Variants in NOXA1 observed in about 807,000 individuals in gnomAD.
The protein encoded by NOXA1 is NADPH oxidase activator 1, also known as NCF2-like protein.
Under a neutral mutation model 64.8 loss-of-function variants are expected in NOXA1, and 56 were observed. The observed-to-expected ratio is 0.86, with a 90% CI of 0.70 to 1.08. The LOEUF (loss-of-function observed/expected upper bound fraction) is 1.08, where lower values mean the gene tolerates loss of function less well. NOXA1 is among the 50% of genes least tolerant of loss of function. NOXA1 has a pLI of 0.00. For missense variants in NOXA1, 668 were observed against 658.5 expected, an observed-to-expected ratio of 1.01 and a Z score of -0.16; for synonymous variants, 295 against 294.8, an observed-to-expected ratio of 1.00 and a Z score of -0.01.
In NOXA1 at chr9:137,431,147, G is replaced by A; in HGVS notation, c.698+47G>A. On this transcript the variant is annotated intron_variant, in intron 7 of 13. Transcript: ENST00000683555. The surrounding 1 kb of genome is among the most constrained non-coding windows in gnomAD (Gnocchi z 5.6). ...CTGCGAGCGCGTGCCTTTCCTGCTG[G>A]GCAGAGGCCCTCCACATGGGGCCAC... is the stretch of plus-strand genomic sequence containing the variant. 1 of 1,612,482 alleles carries A rather than the reference G, an allele frequency of 6.2e-7. No individual in the cohort carries two copies. The highest frequency in any genetic ancestry group is 8.5e-7 in the Non-Finnish European group (1 of 1,179,670).
chr9:137,433,154 C>T (rs1182816405), intron 9 of NOXA1, 51 bp from the exon 10 acceptor site: 1 of 1,608,470 alleles, frequency 6.2e-7, no homozygotes, highest in East Asian at 2.2e-5. Context: ...CCTCCACCCA[C>T]AGGGCCCACT....
At chr9:137,423,973 GACC>G (rs1371842655) in intron 1 of NOXA1, among the ~76,000 whole-genome samples, 1 of 152,196 alleles carries the variant, frequency 6.6e-6, no homozygotes, top group African/African-American at 2.4e-5. Context: ...AGGCCCGAGG[GACC>G]GCCCTGCCCT....
At position 137,429,363 on chromosome 9, in the gene NOXA1, G is replaced by A. The variant is rs746384016; in HGVS notation, c.592G>A (p.Asp198Asn). The change falls in exon 5 of 14, where the codon GAT becomes AAT. Residue 198 changes from aspartate to asparagine, a missense_variant. Physicochemically the swap from Asp to Asn is conservative, Grantham distance 23. Transcript: ENST00000683555. ...GCACCTGAAGCACTTGGAGCCCGTGGATTTCCTGGGCAAGGCCAAGGTAAA... is the reference window on the plus strand; with the variant it reads ...GCACCTGAAGCACTTGGAGCCCGTGAATTTCCTGGGCAAGGCCAAGGTAAA... ...RWHLKHLEPV[D>N]FLGKAKVVAS... is the part of the protein sequence containing the mutation. 6.3e-7 allele frequency: 1 copy of A among 1,581,284 alleles called. No individual in the cohort carries two copies. The highest frequency in any genetic ancestry group is 8.6e-7 in the Non-Finnish European group (1 of 1,164,614).
intron 2 of NOXA1, among the ~76,000 whole-genome samples, chr9:137,427,127 G>T (rs1838873097): frequency 6.6e-6 from 1 of 152,162 alleles, no homozygotes; most frequent in African/African-American, 2.4e-5. Flanking sequence ...ATTTATTTGA[G>T]AAACATAAAA....
chr9:137,423,950 G>T (rs1243144808), intron 1 of NOXA1, among the ~76,000 whole-genome samples: 1 of 152,182 alleles, frequency 6.6e-6, no homozygotes, highest in African/African-American at 2.4e-5. Flanking sequence ...GGGGGAAGCT[G>T]CTGGGCTGGG....
At position 137,433,529 on chromosome 9, in the gene NOXA1, G is replaced by C. The variant is rs756433242; in HGVS notation, c.986G>C (p.Arg329Pro). The change falls in exon 11 of 14, where the codon CGA becomes CCA. Residue 329 changes from arginine (R) to proline (P), a missense_variant. Arg to Pro is a moderately radical substitution (Grantham distance 103, BLOSUM62 -2). Coordinates refer to ENST00000683555, the MANE Select transcript of NOXA1 (RefSeq NM_001256067.2). ...QCAFTVALRA[R>P]RGADLSSLRA... ...GCCTTCACAGTGGCCCTGAGGGCAC[G>C]AAGAGGAGCCGACCTGTCCAGCCTG... 7 of 1,594,018 alleles carry C rather than the reference G, an allele frequency of 4.4e-6. No individual in the cohort carries two copies. The highest frequency in any genetic ancestry group is 1.3e-5 in the African/African-American group (1 of 74,744).
In NOXA1 at chr9:137,433,988, C is replaced by T. The variant is rs78368699; in HGVS notation, c.1203C>T (p.Leu401=). ...QCRGAGGRPV[L]YQVVAQHSYS... ...AGGGAGCCGGGGGTCGGCCGGTCCT[C>T]TACCAGGTGGTGGCCCAGCACAGCT... is the stretch of plus-strand genomic sequence containing the variant. Residue 401 remains leucine (L), a synonymous_variant, in exon 13 of 14, where the codon CTC becomes CTT. Coordinates refer to ENST00000683555, the MANE Select transcript of NOXA1 (RefSeq NM_001256067.2). 2.7e-3 allele frequency: 4,194 copies of T among 1,558,442 alleles called. 52 individuals are homozygous for T. In the African/African-American group the frequency reaches 0.032, roughly 12 times the overall value.
At chr9:137,433,658 C>A (rs1205914427) in intron 11 of NOXA1, 51 bp downstream of exon 11, 1 of 1,518,308 alleles carries the variant, frequency 6.6e-7, no homozygotes, top group East Asian at 2.5e-5. Context: ...ACCGCCCCGA[C>A]TGAGGCAGCT....
Position 137,431,246 on chromosome 9 carries a change from A to G in NOXA1, c.709A>G (p.Met237Val). Residue 237 changes from methionine to valine, a missense_variant, in exon 8 of 14, where the codon ATG (methionine) becomes GTG (valine). Transcript: ENST00000683555. This position sits in a 1 kb window ranked among gnomAD's most constrained non-coding sequence, Gnocchi z 5.6. ...GANHDARSLI[M>V]DSPRAGTHQG... is the part of the protein sequence containing the mutation. Reference sequence around the variant, plus strand: ...CCCTCCTCTCCCTAGGTCCCTAATCATGGACTCCCCAAGAGCTGGCACCCA... The same window carrying G: ...CCCTCCTCTCCCTAGGTCCCTAATCGTGGACTCCCCAAGAGCTGGCACCCA... The G allele has an allele frequency of 1.9e-6, 3 of 1,612,654 alleles. No homozygotes were observed. Among genetic ancestry groups the G allele is most frequent in the Non-Finnish European group, 2.5e-6 (3 of 1,179,778 alleles).
intron 5 of NOXA1, among the ~76,000 whole-genome samples, chr9:137,430,022 G>T (rs1259162642): frequency 1.6e-5 from 2 of 125,886 alleles, no homozygotes; most frequent in Admixed American, 8.1e-5. Context: ...TCCCGGGGGG[G>T]GTGCCTGTGT....
intron 1 of NOXA1, among the ~76,000 whole-genome samples, chr9:137,424,301 G>C (rs910668299): frequency 1.3e-5 from 2 of 152,254 alleles, no homozygotes; most frequent in Non-Finnish European, 2.9e-5. Context: ...AGGGAACTGC[G>C]CGCTGTGGGA....
chr9:137,430,031 G>A (rs1839030788), intron 5 of NOXA1, among the ~76,000 whole-genome samples: 1 of 114,546 alleles, frequency 8.7e-6, no homozygotes, highest in Admixed American at 1.0e-4. Flanking sequence ...GGGTGCCTGT[G>A]TCTCTGCCAC....
chr9:137,429,478 G>GT (rs941125600), intron 5 of NOXA1, 95 bp downstream of exon 5: 56 of 875,518 alleles, frequency 6.4e-5, no homozygotes, highest in Non-Finnish European at 9.4e-5. Flanking sequence ...CCAGGCCACC[G>GT]TAAGGGCCAG....
intron 1 of NOXA1, 145 bp downstream of exon 1, chr9:137,423,851 G>A (rs1392457575): frequency 1.5e-6 from 1 of 688,376 alleles, no homozygotes; most frequent in African/African-American, 1.9e-5. Flanking sequence ...GCCGAGCAGG[G>A]GGGCCGCACC....
intron 5 of NOXA1, among the ~76,000 whole-genome samples, chr9:137,430,058 GGGGGC>G (rs1454565307): frequency 8.4e-6 from 1 of 118,458 alleles, no homozygotes; most frequent in East Asian, 2.6e-4. Context: ...CGAGGTCCCG[GGGGGC>G]GGGGGTGCCT....
intron 3 of NOXA1, among the ~76,000 whole-genome samples, chr9:137,428,618 T>C (rs900588360): frequency 8.1e-6 from 1 of 123,180 alleles, no homozygotes; most frequent in Non-Finnish European, 1.7e-5. Flanking sequence ...TAAAGCCAGG[T>C]GGGGGCCCGC....
In NOXA1 at chr9:137,424,585, G is replaced by A. The variant is rs551087377; in HGVS notation, c.177+879G>A. Among the ~76,000 whole-genome samples, 81 of 152,166 alleles carry A rather than the reference G, an allele frequency of 5.3e-4. 1 individual carries two copies. Among genetic ancestry groups the A allele is most frequent in the Admixed American group, 4.3e-3 (65 of 15,282 alleles). ...CTCCCTAGTTGCTGGGAGTACAGGC[G>A]CCCACTACCACGCCTGGCTAATTTA... On this transcript the variant is annotated intron_variant, in intron 1 of 13. Transcript: ENST00000683555.
intron 2 of NOXA1, among the ~76,000 whole-genome samples, chr9:137,426,698 G>A (rs760750074): frequency 1.3e-5 from 2 of 152,178 alleles, no homozygotes; most frequent in African/African-American, 2.4e-5. Context: ...TCACAGTCCC[G>A]AGAGCCTCGC....
chr9:137,433,927 G>C (rs184240760), intron 12 of NOXA1, 38 bp from the exon 13 acceptor site: 9 of 1,519,020 alleles, frequency 5.9e-6, no homozygotes, highest in Non-Finnish European at 7.9e-6. Flanking sequence ...CCTCCTCCCA[G>C]TGCCCGGCCC....
Sources: allele counts gnomAD v4.1 joint callset (sites outside exome capture counted in the v4.1 genomes callset), GRCh38; gene constraint gnomAD v4.1.1; non-coding constraint Gnocchi (gnomAD v3.1); transcripts MANE v1.5; gene names NCBI Gene and HGNC (gene_info 2026-07-23, HGNC 2026-07-21).